Variants in IMMP2L observed in about 807,000 individuals in gnomAD.
IMMP2L encodes inner mitochondrial membrane peptidase subunit 2.
In IMMP2L, 18 loss-of-function variants were observed where a neutral mutation model predicts 19.3. The observed-to-expected ratio is 0.93, with a 90% CI of 0.64 to 1.38. The LOEUF is 1.38. IMMP2L is among the 40% of genes most tolerant of loss of function. The pLI, the probability that IMMP2L is intolerant of heterozygous loss-of-function variation, is 0.00. For missense variants in IMMP2L, 233 were observed against 218.2 expected (o/e 1.07, Z -0.43); for synonymous variants, 76 against 73.0 (o/e 1.04, Z -0.21).
At chr7:110,943,782 T>G (rs1041360021) in intron 4 of IMMP2L, among the ~76,000 whole-genome samples, 1 of 151,936 alleles carries the variant, frequency 6.6e-6, no homozygotes, top group Non-Finnish European at 1.5e-5. Context: ...TTAAGACTTT[T>G]CAATAATAAA....
chr7:111,560,904 A>G (rs1791969359), intron 1 of IMMP2L, among the ~76,000 whole-genome samples: 1 of 152,258 alleles, frequency 6.6e-6, no homozygotes, highest in East Asian at 1.9e-4. Flanking sequence ...GGACACAGGC[A>G]GCCAGTATCA....
intron 3 of IMMP2L, among the ~76,000 whole-genome samples, chr7:111,100,983 A>G (rs1248705213): frequency 6.6e-6 from 1 of 151,560 alleles, no homozygotes; most frequent in African/African-American, 2.4e-5. Context: ...ATGAACATTT[A>G]TAAGTTTAAA....
chr7:110,878,677 G>A (rs1340067900), intron 5 of IMMP2L, among the ~76,000 whole-genome samples: 4 of 151,814 alleles, frequency 2.6e-5, no homozygotes, highest in Non-Finnish European at 5.9e-5. Context: ...CATAGTGATT[G>A]CTGAAATGGA....
At chr7:111,182,781 G>C (rs909203013) in intron 3 of IMMP2L, among the ~76,000 whole-genome samples, 1 of 151,956 alleles carries the variant, frequency 6.6e-6, no homozygotes, top group Non-Finnish European at 1.5e-5. Flanking sequence ...ATGGCACAAT[G>C]TAAGCAGAGA....
At chr7:110,713,781 A>G (rs1795056031) in intron 5 of IMMP2L, among the ~76,000 whole-genome samples, 1 of 151,892 alleles carries the variant, frequency 6.6e-6, no homozygotes, top group African/African-American at 2.4e-5. Context: ...ATTTTTGGAC[A>G]TTGATTTTGT....
chr7:110,692,225 A>G (rs1793557394), intron 5 of IMMP2L, among the ~76,000 whole-genome samples: 1 of 152,320 alleles, frequency 6.6e-6, no homozygotes, highest in Middle Eastern at 3.4e-3. Context: ...GAAGTGAAGT[A>G]ACTCTGTATC....
chr7:111,212,456 C>A (rs563698189), intron 3 of IMMP2L, among the ~76,000 whole-genome samples: 2 of 151,972 alleles, frequency 1.3e-5, no homozygotes, highest in African/African-American at 2.4e-5. Context: ...AAAAAACACA[C>A]AAAAAATAGC....
rs575556450 is a variant in IMMP2L at position 111,339,007 on chromosome 7, G to C, written c.239+148231C>G. Among the ~76,000 whole-genome samples, 211 of 152,100 alleles carry C rather than the reference G, an allele frequency of 1.4e-3. 6 individuals are homozygous for C. The highest frequency in any genetic ancestry group is 0.014 in the Admixed American group (208 of 15,256). On this transcript the variant is annotated intron_variant, in intron 3 of 5. Transcript: ENST00000405709. ...AAGTGAGCTCCTCTGGATTTTATTT[G>C]TACAAACGATTCTTCCTTCAAACTA... is the stretch of plus-strand genomic sequence containing the variant.
intron 3 of IMMP2L, among the ~76,000 whole-genome samples, chr7:111,464,312 A>C (rs1216891104): frequency 6.6e-6 from 1 of 152,176 alleles, no homozygotes; most frequent in Non-Finnish European, 1.5e-5. Context: ...TTGCCTCTGC[A>C]AAATATTTAA....
chr7:110,942,462 A>C (rs546983935), intron 4 of IMMP2L, among the ~76,000 whole-genome samples: 1 of 152,044 alleles, frequency 6.6e-6, no homozygotes, highest in African/African-American at 2.4e-5. Context: ...AAACCTGTTT[A>C]ATTAAAGTTT....
chr7:110,903,233 G>C (rs770768444), intron 4 of IMMP2L, among the ~76,000 whole-genome samples: 6 of 152,030 alleles, frequency 3.9e-5, no homozygotes, highest in Non-Finnish European at 5.9e-5. Context: ...ATTTCTTTTG[G>C]GTAAATTTTA....
chr7:110,750,245 C>T (rs1797636177), intron 5 of IMMP2L, among the ~76,000 whole-genome samples: 1 of 139,236 alleles, frequency 7.2e-6, no homozygotes, highest in African/African-American at 2.4e-5. Flanking sequence ...ACATAAGAAC[C>T]AGCTGTAAGA....
intron 3 of IMMP2L, among the ~76,000 whole-genome samples, chr7:111,396,475 G>GCT (rs1832876356): frequency 6.6e-6 from 1 of 151,998 alleles, no homozygotes; most frequent in African/African-American, 2.4e-5. Context: ...ACAGGGAGGG[G>GCT]AACATCACAC....
In IMMP2L at chr7:111,521,584, T is replaced by C. The variant is rs1846336300; in HGVS notation, c.-2-135A>G. 5 of 629,406 alleles carry C rather than the reference T, an allele frequency of 7.9e-6. No individual in the cohort carries two copies. The East Asian group carries it at 1.4e-4, about 18-fold the overall frequency. The allele number at this position is 629,406 out of a possible 1,614,324, so 39.0% of individuals were successfully genotyped here. On this transcript the variant is annotated intron_variant, in intron 1 of 5. Transcript: ENST00000405709. The stretch of plus-strand genomic sequence containing the variant: ...TTAATATATTACACACTCATTCCTG[T>C]AACCATTAGAATAAATCTGACTTAC...
intron 3 of IMMP2L, among the ~76,000 whole-genome samples, chr7:111,301,736 G>A (rs1822259188): frequency 6.6e-6 from 1 of 151,406 alleles, no homozygotes; most frequent in Non-Finnish European, 1.5e-5. Flanking sequence ...GAACTATTTG[G>A]CTCCTTTGTC....
At chr7:110,958,038 A>G (rs547692437) in intron 4 of IMMP2L, among the ~76,000 whole-genome samples, 1 of 152,104 alleles carries the variant, frequency 6.6e-6, no homozygotes, top group Non-Finnish European at 1.5e-5. Context: ...TGCTTTTTAA[A>G]TGAATGGCAC....
chr7:111,274,384 C>T (rs374495211), intron 3 of IMMP2L, among the ~76,000 whole-genome samples: 1 of 152,128 alleles, frequency 6.6e-6, no homozygotes, highest in Admixed American at 6.6e-5. Context: ...TTTTACTTTA[C>T]TTGAGCCTCT....
intron 5 of IMMP2L, among the ~76,000 whole-genome samples, chr7:110,856,528 T>C (rs1806790795): frequency 1.3e-5 from 2 of 151,958 alleles, no homozygotes; most frequent in African/African-American, 2.4e-5. Flanking sequence ...TGATACAAAT[T>C]CATGAAAAAG....
At chr7:111,033,913 T>C (rs1229352738) in intron 3 of IMMP2L, among the ~76,000 whole-genome samples, 13 of 152,258 alleles carry the variant, frequency 8.5e-5, no homozygotes, top group Middle Eastern at 3.4e-3. Context: ...TTATGGAACA[T>C]TGCTCAGCTA....
Sources: allele counts gnomAD v4.1 joint callset (sites outside exome capture counted in the v4.1 genomes callset), GRCh38; gene constraint gnomAD v4.1.1; transcripts MANE v1.5; gene names NCBI Gene and HGNC (gene_info 2026-07-23, HGNC 2026-07-21).